The following PON3 variants were observed in gnomAD, a reference collection of about 807,000 sequenced individuals.
The protein encoded by PON3 is paraoxonase 3.
In PON3, 37 loss-of-function variants were observed where a neutral mutation model predicts 36.3. That is an observed-to-expected ratio of 1.02 (90% confidence interval 0.78 to 1.34). PON3 has a LOEUF of 1.34. PON3 is among the 40% of genes most tolerant of loss of function. The pLI is 0.00. For synonymous variants in PON3, 155 were observed against 154.8 expected (o/e 1.00, Z -0.01); for missense variants, 415 against 426.5 (o/e 0.97, Z 0.24).
rs1254092833 is a variant in PON3 at position 95,389,641 on chromosome 7, T to C, written c.201+513A>G. On this transcript the variant is annotated intron_variant, in intron 3 of 8. Coordinates refer to ENST00000265627, the MANE Select transcript of PON3 (RefSeq NM_000940.3). ...GAATTAAAATGCAGTCTGTTCTCTA[T>C]TTCTCTTTGAAAGACTTGTTAAGAA... Among the ~76,000 whole-genome samples the C allele has an allele frequency of 2.6e-5, 4 of 152,186 alleles. No individual in the cohort carries two copies. In the South Asian group the frequency reaches 6.2e-4, roughly 24 times the overall value.
intron 3 of PON3, among the ~76,000 whole-genome samples, chr7:95,379,666 G>A (rs934361789): frequency 2.6e-5 from 4 of 152,196 alleles, no homozygotes; most frequent in Admixed American, 6.5e-5. Flanking sequence ...AGGGGCGCCC[G>A]CCATTGCTGA....
At chr7:95,393,983 GACTC>G (rs1473312800) in intron 2 of PON3, among the ~76,000 whole-genome samples, 3 of 152,090 alleles carry the variant, frequency 2.0e-5, no homozygotes, top group Non-Finnish European at 4.4e-5. Flanking sequence ...AACCTCCGAT[GACTC>G]CCTGGTTCAA....
intron 3 of PON3, 57 bp downstream of exon 3, chr7:95,390,097 A>T: frequency 6.7e-7 from 1 of 1,500,652 alleles, no homozygotes; most frequent in East Asian, 2.3e-5. Flanking sequence ...GACAACATTA[A>T]TGCACTGTCT....
Position 95,360,277 on chromosome 7 carries a change from T to C in PON3, c.907-146A>G. ...CTTCAATAAATTGTTCTTCTTCTGA[T>C]GAAAGTACTAATGTCATAGATATCT... is the stretch of plus-strand genomic sequence containing the variant. On this transcript the variant is annotated intron_variant, in intron 8 of 8. Coordinates refer to ENST00000265627, the MANE Select transcript of PON3 (RefSeq NM_000940.3). 4 of 842,102 alleles carry C rather than the reference T, an allele frequency of 4.8e-6. No homozygotes were observed. In the South Asian group the frequency reaches 6.1e-5, roughly 13 times the overall value. 52.2% of individuals were successfully genotyped at this position (842,102 alleles called of 1,614,324 possible).
At chr7:95,385,352 TA>T (rs1250825103) in intron 3 of PON3, among the ~76,000 whole-genome samples, 2 of 151,986 alleles carry the variant, frequency 1.3e-5, no homozygotes, top group African/African-American at 4.8e-5. Flanking sequence ...TAAAGTATAA[TA>T]AAAAATATAT....
chr7:95,393,687 A>G (rs1195990463), intron 2 of PON3, among the ~76,000 whole-genome samples: 1 of 152,106 alleles, frequency 6.6e-6, no homozygotes, highest in Non-Finnish European at 1.5e-5. Context: ...ATACATAGGA[A>G]AAGTCTAGAA....
chr7:95,392,340 T>A (rs1197026363), intron 2 of PON3, among the ~76,000 whole-genome samples: 1 of 152,186 alleles, frequency 6.6e-6, no homozygotes, highest in Non-Finnish European at 1.5e-5. Context: ...AATCAGAACA[T>A]TGACCTAAGA....
At chr7:95,396,252 G>C (rs1208196127) in intron 1 of PON3, 25 bp downstream of exon 1, 2 of 1,612,498 alleles carry the variant, frequency 1.2e-6, no homozygotes. Flanking sequence ...GAGAGTCGAA[G>C]ACGCCCTGTC....
chr7:95,370,359 G>A (rs887207160), intron 4 of PON3, among the ~76,000 whole-genome samples: 2 of 152,126 alleles, frequency 1.3e-5, no homozygotes, highest in African/African-American at 4.8e-5. Flanking sequence ...ATTTCAGACT[G>A]GAGAGATATT....
At chr7:95,374,182 A>G (rs893694657) in intron 3 of PON3, among the ~76,000 whole-genome samples, 2 of 152,066 alleles carry the variant, frequency 1.3e-5, no homozygotes, top group African/African-American at 4.8e-5. Context: ...TAGAGCCCAT[A>G]CTTTCTTCCT....
rs186158407 is a variant in PON3 at position 95,392,877 on chromosome 7, T to C, written c.145+1767A>G. ...AAAGATACCTTGCAACCATTCCTTC[T>C]GAGGTCCTGCTCCTCTCCCAGAATG... On this transcript the variant is annotated intron_variant, in intron 2 of 8. Coordinates refer to ENST00000265627, the MANE Select transcript of PON3 (RefSeq NM_000940.3). Among the ~76,000 whole-genome samples the C allele has an allele frequency of 1.2e-3, 188 of 152,374 alleles. 2 individuals are homozygous for C. The highest frequency in any genetic ancestry group is 8.3e-4 in the South Asian group (4 of 4,834).
intron 3 of PON3, among the ~76,000 whole-genome samples, chr7:95,378,583 G>C (rs1177552722): frequency 1.3e-5 from 2 of 152,230 alleles, no homozygotes; most frequent in African/African-American, 4.8e-5. Context: ...AGCCAGAAGA[G>C]AGTGGGGGCC....
In PON3 at chr7:95,367,520, A is replaced by C. The variant is rs372227499; in HGVS notation, c.368-32T>G. 7 of 1,608,460 alleles carry C rather than the reference A, an allele frequency of 4.4e-6. No individual in the cohort carries two copies. In the African/African-American group the frequency reaches 9.4e-5, roughly 22 times the overall value. ...GGAAAAAAGGGATAATTTCCAAGAA[A>C]GTTACCCCTATCACAACTAATATTA... is the stretch of plus-strand genomic sequence containing the variant. On this transcript the variant is annotated intron_variant, in intron 4 of 8. Coordinates refer to ENST00000265627, the MANE Select transcript of PON3 (RefSeq NM_000940.3).
chr7:95,363,187 GA>G (rs1396472056), intron 6 of PON3, among the ~76,000 whole-genome samples: 1 of 151,720 alleles, frequency 6.6e-6, no homozygotes, highest in South Asian at 2.1e-4. Flanking sequence ...ACTAGTGCTT[GA>G]AAAAAAGTAT....
intron 3 of PON3, among the ~76,000 whole-genome samples, chr7:95,389,905 T>C (rs552447011): frequency 6.6e-6 from 1 of 152,280 alleles, no homozygotes; most frequent in Admixed American, 6.5e-5. Flanking sequence ...TCAATACACA[T>C]TTATCAAGAC....
chr7:95,394,574 G>A (rs1809388067), intron 2 of PON3, 70 bp downstream of exon 2: 29 of 1,365,606 alleles, frequency 2.1e-5, no homozygotes, highest in Non-Finnish European at 3.0e-5. Flanking sequence ...AAATGAGCTG[G>A]TAGGGCTCAG....
chr7:95,364,093 C>A, intron 5 of PON3, 30 bp from the exon 6 acceptor site: 1 of 1,542,346 alleles, frequency 6.5e-7, no homozygotes, highest in Non-Finnish European at 9.0e-7. Context: ...GAAAAAGAGA[C>A]CCATGAGGTA....
At chr7:95,382,114 A>C (rs1283335440) in intron 3 of PON3, among the ~76,000 whole-genome samples, 1 of 152,244 alleles carries the variant, frequency 6.6e-6, no homozygotes, top group Non-Finnish European at 1.5e-5. Flanking sequence ...TGGGTACATA[A>C]TGAAATGAAG....
At chr7:95,382,281 C>T (rs2116407683) in intron 3 of PON3, among the ~76,000 whole-genome samples, 1 of 152,192 alleles carries the variant, frequency 6.6e-6, no homozygotes, top group South Asian at 2.1e-4. Context: ...CCTAACATCA[C>T]AATTAAAAGA....
Sources: gnomAD v4.1 joint callset for allele counts (sites outside exome capture counted in the v4.1 genomes callset) on GRCh38, gnomAD v4.1.1 for gene constraint, MANE v1.5 for transcripts, NCBI Gene and HGNC (gene_info 2026-07-23, HGNC 2026-07-21) for gene names.